The following OR2L13 variants were observed in gnomAD, a reference collection of about 807,000 sequenced individuals.
OR2L13 encodes olfactory receptor family 2 subfamily L member 13.
Under a neutral mutation model 15.3 loss-of-function variants are expected in OR2L13, and 14 were observed. The observed-to-expected ratio is 0.91, with a 90% CI of 0.60 to 1.43. The LOEUF is 1.43. OR2L13 is among the 40% of genes most tolerant of loss of function. The pLI is 0.00. For missense variants in OR2L13, 367 were observed against 387.9 expected, an observed-to-expected ratio of 0.95 and a Z score of 0.45; for synonymous variants, 152 against 142.9, an observed-to-expected ratio of 1.06 and a Z score of -0.45.
the OR2L13 span, chr1:248,039,813 C>A: frequency 6.6e-6 from 1 of 152,116 alleles, no homozygotes; most frequent in Non-Finnish European, 1.5e-5. Flanking sequence ...TTTTTATTTA[C>A]TCTCAACTGG....
At chr1:248,060,797 T>C in the OR2L13 span, 241,813 of 1,613,898 alleles carry the variant, frequency 0.15, 19,769 homozygotes, top group East Asian at 0.3. Context: ...ATGGCTCTAA[T>C]TGGAAACCTA....
At chr1:248,003,954 T>C in the OR2L13 span, 1 of 1,613,840 alleles carries the variant, frequency 6.2e-7, no homozygotes, top group Non-Finnish European at 8.5e-7. Context: ...GTTCTGGCTG[T>C]CTTCTACACC....
the OR2L13 span, among the ~76,000 whole-genome samples, chr1:247,968,392 T>A: frequency 6.6e-6 from 1 of 152,140 alleles, no homozygotes; most frequent in African/African-American, 2.4e-5. Context: ...ATGTGCACAC[T>A]GTGCAGGTTT....
chr1:248,096,183 C>G (rs1416647109), upstream of OR2L13, among the ~76,000 whole-genome samples: 2 of 151,750 alleles, frequency 1.3e-5, no homozygotes, highest in Non-Finnish European at 2.9e-5. Context: ...TCGAGACCAT[C>G]CTGGCTAACA....
the OR2L13 span, chr1:247,974,941 T>A: frequency 3.5e-6 from 1 of 285,258 alleles, no homozygotes; most frequent in Non-Finnish European, 7.3e-6. Context: ...CGGCTCTACC[T>A]CATTGACCTA....
chr1:247,993,226 A>C, the OR2L13 span, among the ~76,000 whole-genome samples: 1 of 151,602 alleles, frequency 6.6e-6, no homozygotes, highest in Admixed American at 6.6e-5. Flanking sequence ...TAATGGGGTT[A>C]GTTTTTTGCT....
the OR2L13 span, chr1:248,083,711 G>C: frequency 1.0e-4 from 162 of 1,612,222 alleles, 2 homozygotes; most frequent in African/African-American, 1.3e-3. Flanking sequence ...GGGCTTCCTT[G>C]ACCTCACTGT....
chr1:248,003,165 T>C, the OR2L13 span: 1 of 1,426,088 alleles, frequency 7.0e-7, no homozygotes, highest in Non-Finnish European at 9.9e-7. Context: ...ACTGATTTCA[T>C]CTTACTGGGG....
chr1:248,000,933 T>G, the OR2L13 span, among the ~76,000 whole-genome samples: 3 of 152,024 alleles, frequency 2.0e-5, no homozygotes, highest in South Asian at 2.1e-4. Flanking sequence ...ATAAATTTAA[T>G]TTTTTTTCTT....
the OR2L13 span, among the ~76,000 whole-genome samples, chr1:247,982,868 T>G: frequency 1.3e-5 from 2 of 152,116 alleles, no homozygotes; most frequent in African/African-American, 4.8e-5. Context: ...CTATAATGAT[T>G]TTTTTATTTT....
At chr1:247,965,245 G>T in the OR2L13 span, 7 of 1,105,952 alleles carry the variant, frequency 6.3e-6, no homozygotes, top group South Asian at 1.0e-4. Context: ...CTCTAAACAT[G>T]TAGATAGTTG....
chr1:248,019,947 CT>C, the OR2L13 span, among the ~76,000 whole-genome samples: 1 of 152,120 alleles, frequency 6.6e-6, no homozygotes, highest in Non-Finnish European at 1.5e-5. Context: ...GCCACCACCC[CT>C]GGCTAATTTT....
At chr1:248,035,982 C>T in the OR2L13 span, among the ~76,000 whole-genome samples, 1 of 151,216 alleles carries the variant, frequency 6.6e-6, no homozygotes, top group Non-Finnish European at 1.5e-5. Context: ...TACTATTTCT[C>T]TCAAAAACTT....
chr1:247,986,482 G>A, the OR2L13 span, among the ~76,000 whole-genome samples: 1,384 of 152,090 alleles, frequency 9.1e-3, 20 homozygotes, highest in Non-Finnish European at 0.014. Context: ...TCTCTGTTTC[G>A]GTACCAGTAC....
the OR2L13 span, among the ~76,000 whole-genome samples, chr1:247,955,884 T>G: frequency 6.6e-6 from 1 of 152,004 alleles, no homozygotes; most frequent in Admixed American, 6.6e-5. Flanking sequence ...TTTCTCCCAT[T>G]GTGTAGGTTG....
chr1:247,985,401 G>C, the OR2L13 span, among the ~76,000 whole-genome samples: 8 of 152,124 alleles, frequency 5.3e-5, no homozygotes, highest in African/African-American at 1.7e-4. Context: ...GAGAATGATG[G>C]TTTCCAGCTT....
the OR2L13 span, among the ~76,000 whole-genome samples, chr1:248,044,610 T>C: frequency 1.1e-5 from 1 of 87,968 alleles, no homozygotes; most frequent in Non-Finnish European, 1.9e-5. Flanking sequence ...GAGACCATCC[T>C]GGCTAACAAG....
the OR2L13 span, among the ~76,000 whole-genome samples, chr1:248,056,103 G>T: frequency 6.6e-6 from 1 of 152,016 alleles, no homozygotes; most frequent in Non-Finnish European, 1.5e-5. Context: ...GTTCCTGTGG[G>T]GTTGGTGGTG....
At chr1:247,973,851 AT>A in the OR2L13 span, among the ~76,000 whole-genome samples, 1 of 152,198 alleles carries the variant, frequency 6.6e-6, no homozygotes, top group East Asian at 1.9e-4. Flanking sequence ...TAGTTCAACC[AT>A]TGTGGGAGAC....
Sources: allele counts gnomAD v4.1 joint callset (sites outside exome capture counted in the v4.1 genomes callset), GRCh38; gene constraint gnomAD v4.1.1; transcripts MANE v1.5; gene names NCBI Gene and HGNC (gene_info 2026-07-23, HGNC 2026-07-21).